The following NR3C2 variants were observed in gnomAD, a reference collection of about 807,000 sequenced individuals.
The protein encoded by NR3C2 is nuclear receptor subfamily 3 group C member 2.
In NR3C2, 15 loss-of-function variants were observed where a neutral mutation model predicts 86.4. The ratio of observed to expected loss-of-function variants is 0.17; its 90% CI spans 0.12 to 0.27. NR3C2 has a LOEUF of 0.27. Among genes scored for constraint, NR3C2 ranks in the 10% least tolerant of loss-of-function variants. The pLI is 1.00. For synonymous variants in NR3C2, 458 were observed against 450.5 expected (o/e 1.02, Z -0.21); for missense variants, 960 against 1,195.6 (o/e 0.80, Z 2.91).
At position 148,130,997 on chromosome 4, in the gene NR3C2, A is replaced by AT. The variant is rs1004664081; in HGVS notation, c.2511-10710dup. 1.3e-4 allele frequency among the ~76,000 whole-genome samples: 20 copies of AT among 151,250 alleles called. No individual in the cohort carries two copies. The East Asian group carries it at 3.1e-3, about 24-fold the overall frequency. ...AGGCGCCCGCCACAATGCCTGGCTA[A>AT]TTTTTTTTGTATTTTTAGTAGAGAC... On this transcript the variant is annotated intron_variant, in intron 6 of 8. Coordinates refer to ENST00000358102, the MANE Select transcript of NR3C2 (RefSeq NM_000901.5).
chr4:148,262,795 C>T (rs1280340896), intron 2 of NR3C2, among the ~76,000 whole-genome samples: 2 of 152,212 alleles, frequency 1.3e-5, no homozygotes, highest in African/African-American at 4.8e-5. Flanking sequence ...GCAGGGAGTC[C>T]GTGCTTGGGC....
intron 2 of NR3C2, among the ~76,000 whole-genome samples, chr4:148,331,587 T>G (rs1022630473): frequency 1.3e-5 from 2 of 152,264 alleles, no homozygotes; most frequent in Non-Finnish European, 2.9e-5. Context: ...TCTACACTTA[T>G]GTAAAAATTC....
At chr4:148,123,043 C>G (rs1277592230) in intron 6 of NR3C2, among the ~76,000 whole-genome samples, 1 of 152,182 alleles carries the variant, frequency 6.6e-6, no homozygotes, top group Non-Finnish European at 1.5e-5. Flanking sequence ...AAATATATCA[C>G]TAAATTCTTT....
At chr4:148,393,807 CTT>C (rs1432557583) in intron 2 of NR3C2, among the ~76,000 whole-genome samples, 1 of 152,194 alleles carries the variant, frequency 6.6e-6, no homozygotes, top group African/African-American at 2.4e-5. Flanking sequence ...ATTTTCGCTT[CTT>C]GACTGGAATA....
At chr4:148,409,746 G>C (rs1748601379) in intron 2 of NR3C2, among the ~76,000 whole-genome samples, 1 of 151,926 alleles carries the variant, frequency 6.6e-6, no homozygotes, top group Non-Finnish European at 1.5e-5. Flanking sequence ...TGCCTAGCAG[G>C]TCCTTTTAAC....
chr4:148,137,235 G>A (rs1733389622), intron 6 of NR3C2, among the ~76,000 whole-genome samples: 2 of 152,050 alleles, frequency 1.3e-5, no homozygotes, highest in Admixed American at 1.3e-4. Context: ...CCATTATTCT[G>A]CAGAGAAGAG....
chr4:148,161,783 C>T (rs1734673521), intron 4 of NR3C2, among the ~76,000 whole-genome samples: 1 of 152,090 alleles, frequency 6.6e-6, no homozygotes, highest in South Asian at 2.1e-4. Flanking sequence ...TGCTGACTAA[C>T]AAGATCTGAG....
At chr4:148,404,515 G>C (rs1748319057) in intron 2 of NR3C2, among the ~76,000 whole-genome samples, 1 of 152,110 alleles carries the variant, frequency 6.6e-6, no homozygotes, top group Non-Finnish European at 1.5e-5. Flanking sequence ...GCACAAAAAT[G>C]CAAACAAAAT....
At chr4:148,136,086 A>AGC (rs1560940043) in intron 6 of NR3C2, among the ~76,000 whole-genome samples, 1 of 136,798 alleles carries the variant, frequency 7.3e-6, no homozygotes, top group African/African-American at 2.7e-5. Context: ...ACAAAAAAAA[A>AGC]AAACACCACC....
chr4:148,127,175 T>C (rs1467254749), intron 6 of NR3C2, among the ~76,000 whole-genome samples: 3 of 152,092 alleles, frequency 2.0e-5, no homozygotes, highest in Non-Finnish European at 4.4e-5. Flanking sequence ...TTCAAGAAAA[T>C]AGGTCATCTT....
chr4:148,379,953 C>T (rs1746880395), intron 2 of NR3C2, among the ~76,000 whole-genome samples: 2 of 152,068 alleles, frequency 1.3e-5, no homozygotes, highest in Non-Finnish European at 2.9e-5. Context: ...CATAAAAATA[C>T]ATTTAAATGA....
chr4:148,100,522 C>T (rs1453402004), intron 8 of NR3C2, among the ~76,000 whole-genome samples: 1 of 152,176 alleles, frequency 6.6e-6, no homozygotes, highest in Non-Finnish European at 1.5e-5. Flanking sequence ...AATGAGTTAC[C>T]ACTTCACAAG....
At chr4:148,175,948 C>G (rs1735356718) in intron 4 of NR3C2, among the ~76,000 whole-genome samples, 1 of 152,216 alleles carries the variant, frequency 6.6e-6, no homozygotes, top group South Asian at 2.1e-4. Flanking sequence ...CACTGCACTA[C>G]AGCCTAAGCG....
intron 6 of NR3C2, among the ~76,000 whole-genome samples, chr4:148,136,056 C>CAAAAAAAAAAAAAAA (rs199716496): frequency 3.4e-4 from 24 of 71,176 alleles, no homozygotes; most frequent in African/African-American, 1.1e-3. Context: ...GACTCCGTCT[C>CAAAAAAAAAAAAAAA]AAAAAAAAAA....
intron 4 of NR3C2, among the ~76,000 whole-genome samples, chr4:148,173,810 G>T (rs1202067735): frequency 6.6e-6 from 1 of 152,220 alleles, no homozygotes; most frequent in Non-Finnish European, 1.5e-5. Flanking sequence ...CAAACCAGCA[G>T]TGCTGACACA....
intron 2 of NR3C2, among the ~76,000 whole-genome samples, chr4:148,307,034 C>T (rs188398833): frequency 2.0e-5 from 3 of 151,984 alleles, no homozygotes; most frequent in Admixed American, 1.3e-4. Context: ...TTCTCTCGAA[C>T]GTGAATATTT....
intron 2 of NR3C2, among the ~76,000 whole-genome samples, chr4:148,374,854 A>G (rs1180839992): frequency 6.6e-6 from 1 of 152,162 alleles, no homozygotes; most frequent in Non-Finnish European, 1.5e-5. Context: ...TGTATCTCCC[A>G]AAAAGACTGA....
chr4:148,376,653 G>C (rs1746696555), intron 2 of NR3C2, among the ~76,000 whole-genome samples: 1 of 152,174 alleles, frequency 6.6e-6, no homozygotes, highest in Non-Finnish European at 1.5e-5. Context: ...GCTTAAGCAT[G>C]ATGTTTGGCA....
chr4:148,426,938 C>T (rs1749564979), intron 2 of NR3C2, among the ~76,000 whole-genome samples: 1 of 151,872 alleles, frequency 6.6e-6, no homozygotes, highest in Admixed American at 6.6e-5. Flanking sequence ...CTATTATTGA[C>T]CTCTTCATTT....
Sources: gnomAD v4.1 joint callset for allele counts (sites outside exome capture counted in the v4.1 genomes callset) on GRCh38, gnomAD v4.1.1 for gene constraint, MANE v1.5 for transcripts, NCBI Gene and HGNC (gene_info 2026-07-23, HGNC 2026-07-21) for gene names.